GALNTL6: variants seen among roughly 807,000 people sequenced by gnomAD.
GALNTL6 encodes the protein polypeptide N-acetylgalactosaminyltransferase-like 6.
In GALNTL6, 46 loss-of-function variants were observed where a neutral mutation model predicts 73.7. That is an observed-to-expected ratio of 0.62 (90% CI 0.49 to 0.80). The LOEUF is 0.80. GALNTL6 is among the 30% of genes least tolerant of loss of function. The pLI, the probability that GALNTL6 is intolerant of heterozygous loss-of-function variation, is 0.00. For synonymous variants in GALNTL6, 259 were observed against 263.7 expected (o/e 0.98, Z 0.17); for missense variants, 604 against 755.0 (o/e 0.80, Z 2.34).
At chr4:172,054,051 T>C (rs1730952253) in intron 2 of GALNTL6, among the ~76,000 whole-genome samples, 1 of 152,066 alleles carries the variant, frequency 6.6e-6, no homozygotes, top group South Asian at 2.1e-4. Context: ...TGTTGAGAAA[T>C]AAATGTTGGC....
intron 10 of GALNTL6, among the ~76,000 whole-genome samples, chr4:172,966,712 T>A (rs1453151414): frequency 6.6e-6 from 1 of 152,210 alleles, no homozygotes; most frequent in Non-Finnish European, 1.5e-5. Flanking sequence ...ATTCTAAGAC[T>A]AATGCCAGTA....
Position 172,354,676 on chromosome 4 carries a change from G to A in GALNTL6, c.553+5987G>A, listed in dbSNP as rs373991643. 4.6e-5 allele frequency among the ~76,000 whole-genome samples: 7 copies of A among 152,034 alleles called. No individual in the cohort carries two copies. The East Asian group carries it at 5.8e-4, about 13-fold the overall frequency. ...ACTCATAAAAAGTCTTTGTGCATTC[G>A]TAAAAGATGGATATTACCCACCAGT... On this transcript the variant is annotated intron_variant, in intron 5 of 12. Coordinates refer to ENST00000506823, the MANE Select transcript of GALNTL6 (RefSeq NM_001034845.3).
At chr4:172,210,981 AGTT>A (rs1371537338) in intron 2 of GALNTL6, among the ~76,000 whole-genome samples, 5 of 152,098 alleles carry the variant, frequency 3.3e-5, no homozygotes, top group African/African-American at 7.2e-5. Context: ...TTGTTCAATA[AGTT>A]GTTGTTCCAT....
chr4:172,397,472 T>C (rs1200272030), intron 5 of GALNTL6, among the ~76,000 whole-genome samples: 1 of 152,220 alleles, frequency 6.6e-6, no homozygotes, highest in Non-Finnish European at 1.5e-5. Context: ...GTCATATCCA[T>C]ATAACAAATC....
At chr4:171,963,544 C>A (rs1422054097) in intron 2 of GALNTL6, among the ~76,000 whole-genome samples, 1 of 151,984 alleles carries the variant, frequency 6.6e-6, no homozygotes, top group African/African-American at 2.4e-5. Flanking sequence ...TATGTATATA[C>A]CAATTTAACT....
At chr4:172,657,812 T>C (rs560116107) in intron 5 of GALNTL6, among the ~76,000 whole-genome samples, 1 of 152,148 alleles carries the variant, frequency 6.6e-6, no homozygotes, top group South Asian at 2.1e-4. Context: ...TATGGCTATG[T>C]ATAAACCCAC....
chr4:173,015,738 GA>G (rs879839287), intron 11 of GALNTL6, among the ~76,000 whole-genome samples: 3 of 151,576 alleles, frequency 2.0e-5, no homozygotes, highest in Admixed American at 6.6e-5. Context: ...CGATGAGATA[GA>G]AAAAAAAATT....
At chr4:172,073,919 T>C (rs192903107) in intron 2 of GALNTL6, among the ~76,000 whole-genome samples, 9 of 152,322 alleles carry the variant, frequency 5.9e-5, no homozygotes, top group Admixed American at 5.9e-4. Context: ...GCAGCTTTGA[T>C]GTAATTGTGA....
At chr4:172,842,873 G>T (rs1017473153) in intron 7 of GALNTL6, among the ~76,000 whole-genome samples, 1 of 152,026 alleles carries the variant, frequency 6.6e-6, no homozygotes, top group Non-Finnish European at 1.5e-5. Flanking sequence ...AAAGTGAGCC[G>T]TGAGGGAACA....
chr4:171,895,207 A>G (rs1736873122), intron 2 of GALNTL6, among the ~76,000 whole-genome samples: 1 of 152,182 alleles, frequency 6.6e-6, no homozygotes, highest in Admixed American at 6.5e-5. Flanking sequence ...TATTAATACA[A>G]AGTCTTCTGT....
chr4:171,843,576 C>T (rs1013487100), intron 2 of GALNTL6, among the ~76,000 whole-genome samples: 2 of 151,886 alleles, frequency 1.3e-5, no homozygotes, highest in African/African-American at 4.8e-5. Flanking sequence ...TGCTTTTAAC[C>T]GCAAATGGGC....
chr4:172,753,296 G>A (rs1737539668), intron 5 of GALNTL6, among the ~76,000 whole-genome samples: 1 of 152,198 alleles, frequency 6.6e-6, no homozygotes, highest in Non-Finnish European at 1.5e-5. Context: ...GTGGAACTGT[G>A]AGTCTATCAA....
At position 172,139,780 on chromosome 4, in the gene GALNTL6, G is replaced by C. The variant is rs185465043; in HGVS notation, c.139-89876G>C. 2.6e-5 allele frequency among the ~76,000 whole-genome samples: 4 copies of C among 152,148 alleles called. No homozygotes were observed. In the East Asian group the frequency reaches 7.7e-4, roughly 29 times the overall value. ...CCCCCTCACGGGAAGCAACTACCCT[G>C]TTCTTTACACAAATATATTTTCACT... On this transcript the variant is annotated intron_variant, in intron 2 of 12. Transcript: ENST00000506823.
intron 2 of GALNTL6, among the ~76,000 whole-genome samples, chr4:172,069,522 G>GTATGACACATGTATGTTATA: frequency 1.8e-5 from 1 of 56,018 alleles, no homozygotes; most frequent in South Asian, 4.7e-4. Flanking sequence ...TATGTTATAT[G>GTATGACACATGTATGTTATA]TATAACACAT....
At chr4:172,652,122 A>G (rs1740501545) in intron 5 of GALNTL6, among the ~76,000 whole-genome samples, 1 of 152,224 alleles carries the variant, frequency 6.6e-6, no homozygotes, top group African/African-American at 2.4e-5. Flanking sequence ...AAAGTCATCT[A>G]GATTATGTTT....
intron 3 of GALNTL6, among the ~76,000 whole-genome samples, chr4:172,282,114 A>G (rs1739081534): frequency 6.6e-6 from 1 of 152,198 alleles, no homozygotes; most frequent in Admixed American, 6.5e-5. Context: ...AAAATACATC[A>G]TACTAACTAA....
chr4:172,059,952 A>G (rs1236871783), intron 2 of GALNTL6, among the ~76,000 whole-genome samples: 2 of 152,200 alleles, frequency 1.3e-5, no homozygotes, highest in Non-Finnish European at 2.9e-5. Context: ...CAGGAAGCCC[A>G]GAAGGAGAGG....
chr4:171,943,333 G>A (rs1433594239), intron 2 of GALNTL6, among the ~76,000 whole-genome samples: 5 of 152,082 alleles, frequency 3.3e-5, no homozygotes. Flanking sequence ...CCTTCCAAAG[G>A]ATTCCTATAC....
At chr4:171,847,344 G>A (rs900009540) in intron 2 of GALNTL6, among the ~76,000 whole-genome samples, 2 of 152,088 alleles carry the variant, frequency 1.3e-5, no homozygotes, top group African/African-American at 2.4e-5. Context: ...AAATGTTTAC[G>A]AGCCTCCAGT....
Sources: allele counts gnomAD v4.1 joint callset (sites outside exome capture counted in the v4.1 genomes callset), GRCh38; gene constraint gnomAD v4.1.1; transcripts MANE v1.5; gene names NCBI Gene and HGNC (gene_info 2026-07-23, HGNC 2026-07-21).